The following PLCD4 variants were observed in gnomAD, a reference collection of about 807,000 sequenced individuals.
PLCD4 encodes the protein phospholipase C delta 4.
PLCD4 carries 63 observed loss-of-function variants against 90.2 expected under a neutral mutation model. The observed-to-expected ratio is 0.70, with a 90% confidence interval of 0.57 to 0.86. The LOEUF is 0.86. Ranked by LOEUF, PLCD4 falls within the 40% of genes least tolerant of loss-of-function variation. The pLI, the probability that PLCD4 is intolerant of heterozygous loss-of-function variation, is 0.00. For synonymous variants in PLCD4, 294 were observed against 356.5 expected, an observed-to-expected ratio of 0.82 and a Z score of 1.97; for missense variants, 830 against 956.3, an observed-to-expected ratio of 0.87 and a Z score of 1.74.
At chr2:218,611,185 T>G (rs1695318249) in intron 1 of PLCD4, among the ~76,000 whole-genome samples, 1 of 152,176 alleles carries the variant, frequency 6.6e-6, no homozygotes, top group Non-Finnish European at 1.5e-5. Flanking sequence ...ACTGGCCCTC[T>G]TATGACCACA....
At position 218,635,876 on chromosome 2, in the gene PLCD4, CT is replaced by C. The variant is rs564727466; in HGVS notation, c.1980del (p.Phe660LeufsTer5). The C allele has an allele frequency of 1.9e-5, 30 of 1,613,970 alleles. No homozygotes were observed. The East Asian group carries it at 5.8e-4, about 31-fold the overall frequency. On this transcript the variant is annotated frameshift_variant, in exon 14 of 16. Coordinates refer to ENST00000450993, the MANE Select transcript of PLCD4 (RefSeq NM_032726.4). LOFTEE classifies it high-confidence loss of function. ...IVDPLVKVQI[F>X]GVRLDTARQE... The stretch of plus-strand genomic sequence containing the variant: ...TGGATCCACTGGTGAAAGTGCAGAT[CT>C]TTGGCGTTCGTCTAGACACAGCACG...
In PLCD4 at chr2:218,634,613, C is replaced by G. The variant is rs761762147; in HGVS notation, c.1879C>G (p.Gln627Glu). 6.2e-7 allele frequency: 1 copy of G among 1,613,900 alleles called. No individual in the cohort carries two copies. Among genetic ancestry groups the G allele is most frequent in the Non-Finnish European group, 8.5e-7 (1 of 1,179,858 alleles). Residue 627 changes from glutamine (Q) to glutamate (E), a missense_variant, in exon 13 of 16, where the codon CAG becomes GAG. Coordinates refer to ENST00000450993, the MANE Select transcript of PLCD4 (RefSeq NM_032726.4). This position sits in a 1 kb window ranked among gnomAD's most constrained non-coding sequence, Gnocchi z 4.0. Reference sequence around the variant, plus strand: ...GAAGCCCATCAGCCCTTTCAAAGCCCAGACTCTCTTAATCCAGGTACAGTG... The same window carrying G: ...GAAGCCCATCAGCCCTTTCAAAGCCGAGACTCTCTTAATCCAGGTACAGTG... The part of the protein sequence containing the change: ...PEKPISPFKA[Q>E]TLLIQVISGQ...
rs1248615667 is a variant in PLCD4, at chr2:218,633,669, T to C, written c.1514T>C (p.Phe505Ser). The change falls in exon 11 of 16, where the codon TTC becomes TCC. Residue 505 changes from phenylalanine (F) to serine (S), a missense_variant. Coordinates refer to ENST00000450993, the MANE Select transcript of PLCD4 (RefSeq NM_032726.4). ...SLVIYLKSVS[F>S]RSFTHSKEHY... ...GTTATCTACTTGAAGTCTGTCTCAT[T>C]CCGCAGCTTCACACATTCAAAGGAG... The C allele has an allele frequency of 6.2e-7, 1 of 1,613,422 alleles. No homozygotes were observed. Among genetic ancestry groups the C allele is most frequent in the Admixed American group, 1.7e-5 (1 of 60,024 alleles).
chr2:218,614,407 T>C (rs537548911), intron 1 of PLCD4, among the ~76,000 whole-genome samples: 389 of 152,036 alleles, frequency 2.6e-3, no homozygotes, highest in African/African-American at 9.0e-3. Context: ...CACCTCGGCC[T>C]CCCAAAGTGC....
chr2:218,620,605 A>G (rs1695829137), intron 4 of PLCD4, among the ~76,000 whole-genome samples: 2 of 151,864 alleles, frequency 1.3e-5, no homozygotes, highest in Non-Finnish European at 2.9e-5. Context: ...AGTCCCAGCT[A>G]CTTGAGAGGC....
At chr2:218,614,653 G>T (rs1223208926) in intron 1 of PLCD4, among the ~76,000 whole-genome samples, 1 of 151,020 alleles carries the variant, frequency 6.6e-6, no homozygotes, top group Non-Finnish European at 1.5e-5. Flanking sequence ...GTTTTGCCAT[G>T]TTGGCCAGGC....
intron 3 of PLCD4, among the ~76,000 whole-genome samples, chr2:218,616,968 A>AGAGAGAT (rs1695639432): frequency 9.1e-6 from 1 of 109,656 alleles, no homozygotes; most frequent in African/African-American, 3.2e-5. Context: ...AGAGAGAGAG[A>AGAGAGAT]GAGAGAGAGA....
chr2:218,618,543 C>G, intron 3 of PLCD4, 36 bp from the exon 4 acceptor site: 6 of 1,584,314 alleles, frequency 3.8e-6, no homozygotes, highest in Non-Finnish European at 5.2e-6. Flanking sequence ...GTTGGAATCC[C>G]TTCCTTAATG....
chr2:218,610,312 G>C (rs1000834514), intron 1 of PLCD4, among the ~76,000 whole-genome samples: 1 of 151,726 alleles, frequency 6.6e-6, no homozygotes, highest in Non-Finnish European at 1.5e-5. Flanking sequence ...TTTGAGACCA[G>C]CCTGGCCAAC....
Position 218,632,324 on chromosome 2 carries a change from G to A in PLCD4, c.1449+12G>A, listed in dbSNP as rs1179247548. The A allele has an allele frequency of 1.3e-6, 2 of 1,597,414 alleles. No individual in the cohort carries two copies. Among genetic ancestry groups the A allele is most frequent in the Non-Finnish European group, 1.7e-6 (2 of 1,172,566 alleles). On this transcript the variant is annotated intron_variant, in intron 10 of 15. Coordinates refer to ENST00000450993, the MANE Select transcript of PLCD4 (RefSeq NM_032726.4). ...AGGACAAAAAGAAGGTAAGCCAGGAGTGGTCTTTCTGCTGTGGTATTTAGT... is the reference window on the plus strand; with the variant it reads ...AGGACAAAAAGAAGGTAAGCCAGGAATGGTCTTTCTGCTGTGGTATTTAGT...
intron 6 of PLCD4, among the ~76,000 whole-genome samples, chr2:218,627,220 C>T (rs1696156340): frequency 6.6e-6 from 1 of 151,362 alleles, no homozygotes; most frequent in South Asian, 2.1e-4. Flanking sequence ...GAGATCCTGC[C>T]ACTGCACTCC....
chr2:218,635,726 G>A, intron 13 of PLCD4, 70 bp from the exon 14 acceptor site: 1 of 1,543,444 alleles, frequency 6.5e-7, no homozygotes, highest in Non-Finnish European at 8.8e-7. Flanking sequence ...TTCTCCCCTG[G>A]GGTTGGGAGT....
chr2:218,623,927 C>T (rs1695996065), intron 6 of PLCD4, among the ~76,000 whole-genome samples: 1 of 152,236 alleles, frequency 6.6e-6, no homozygotes, highest in Admixed American at 6.5e-5. Context: ...AGGTGATCCA[C>T]CCGCCTCAAC....
Position 218,628,083 on chromosome 2 carries a change from A to C in PLCD4, c.827A>C (p.Lys276Thr). The change falls in exon 7 of 16, where the codon AAG becomes ACG. Residue 276 changes from lysine (K) to threonine (T), a missense_variant. Coordinates refer to ENST00000450993, the MANE Select transcript of PLCD4 (RefSeq NM_032726.4). ...MDGFLSYLCS[K>T]DGDIFNPACL... ...GGCTTCCTCAGCTACCTCTGCTCTA[A>C]GGATGGAGACATCTTCAACCCAGCC... 2 of 1,614,022 alleles carry C rather than the reference A, an allele frequency of 1.2e-6. No individual in the cohort carries two copies. Among genetic ancestry groups the C allele is most frequent in the Non-Finnish European group, 1.7e-6 (2 of 1,179,898 alleles).
chr2:218,631,203 C>T (rs1041086800), intron 9 of PLCD4, among the ~76,000 whole-genome samples: 3 of 151,964 alleles, frequency 2.0e-5, no homozygotes, highest in African/African-American at 4.8e-5. Context: ...TCGCTCTTGT[C>T]GCCCAGGCTG....
intron 10 of PLCD4, among the ~76,000 whole-genome samples, chr2:218,632,822 T>C (rs1198772572): frequency 6.6e-6 from 1 of 152,058 alleles, no homozygotes; most frequent in Non-Finnish European, 1.5e-5. Flanking sequence ...GGGCCAGCAG[T>C]AGCCAGAGGA....
Position 218,634,762 on chromosome 2 carries a change from C to G in PLCD4, c.1896+132C>G. On this transcript the variant is annotated intron_variant, in intron 13 of 15. Coordinates refer to ENST00000450993, the MANE Select transcript of PLCD4 (RefSeq NM_032726.4). The surrounding 1 kb of genome is among the most constrained non-coding windows in gnomAD (Gnocchi z 4.0). ...CAGTGTCTAGTTTTAGCTTTTGGAG[C>G]CAGCTGCCTAGCTTCAAACCACAAC... 1 of 1,111,230 alleles carries G rather than the reference C, an allele frequency of 9.0e-7. No individual in the cohort carries two copies. The highest frequency in any genetic ancestry group is 1.3e-6 in the Non-Finnish European group (1 of 776,178). 68.8% of individuals were successfully genotyped at this position (1,111,230 alleles called of 1,614,324 possible).
chr2:218,625,552 T>G (rs1378044120), intron 6 of PLCD4, among the ~76,000 whole-genome samples: 1 of 152,210 alleles, frequency 6.6e-6, no homozygotes, highest in East Asian at 1.9e-4. Context: ...AGTTTCCTCA[T>G]TTGTAAAATA....
chr2:218,629,491 T>C, intron 7 of PLCD4, 28 bp from the exon 8 acceptor site: 1 of 1,610,332 alleles, frequency 6.2e-7, no homozygotes. Context: ...ACCTCTCCTA[T>C]TTCTCGGTGG....
Sources: allele counts gnomAD v4.1 joint callset (sites outside exome capture counted in the v4.1 genomes callset), GRCh38; gene constraint gnomAD v4.1.1; non-coding constraint Gnocchi (gnomAD v3.1); transcripts MANE v1.5; gene names NCBI Gene and HGNC (gene_info 2026-07-23, HGNC 2026-07-21).